CFHR3: variants seen among roughly 807,000 people sequenced by gnomAD.
The protein encoded by CFHR3 is complement factor H-related protein 3.
A neutral mutation model predicts 36.0 loss-of-function variants in CFHR3; 22 were observed. That is an observed-to-expected ratio of 0.61 (90% CI 0.44 to 0.87). The LOEUF (loss-of-function observed/expected upper bound fraction) is 0.87, where lower values mean the gene tolerates loss of function less well. CFHR3 is among the 40% of genes least tolerant of loss of function. The pLI, the probability that CFHR3 is intolerant of heterozygous loss-of-function variation, is 0.00. For missense variants in CFHR3, 276 were observed against 401.3 expected, an observed-to-expected ratio of 0.69 and a Z score of 2.67; for synonymous variants, 97 against 137.4, an observed-to-expected ratio of 0.71 and a Z score of 2.06.
chr1:196,779,480 C>T lies in CFHR3; in HGVS notation c.253+124C>T. ...AGGGCCAAGAAATGAGTTGTTCAAG[C>T]AAAATGACCAAAATAGATCTTTTCT... On this transcript the variant is annotated intron_variant, in intron 2 of 5. Transcript: ENST00000367425. 3.6e-6 allele frequency: 3 copies of T among 822,730 alleles called. 1 individual carries two copies. Among genetic ancestry groups the T allele is most frequent in the Non-Finnish European group, 5.7e-6 (3 of 526,154 alleles). 51.0% of individuals were successfully genotyped at this position (822,730 alleles called of 1,614,324 possible).
intron 1 of CFHR3, among the ~76,000 whole-genome samples, chr1:196,776,172 C>G (rs1421553627): frequency 3.1e-5 from 4 of 127,702 alleles, no homozygotes; most frequent in African/African-American, 1.3e-4. Flanking sequence ...ACTATATTTT[C>G]TTACTTACTT....
rs139197784 is a variant in CFHR3 at position 196,776,638 on chromosome 1, A to G, written c.58+1694A>G. ...AAAACAACCATTTACAAGGCAAAGG[A>G]GGAGGTCTCAGAAGCATCCAATCCT... On this transcript the variant is annotated intron_variant, in intron 1 of 5. Transcript: ENST00000367425. 5.1e-3 allele frequency among the ~76,000 whole-genome samples: 691 copies of G among 136,534 alleles called. 184 individuals carry two copies. Among genetic ancestry groups the G allele is most frequent in the African/African-American group, 0.02 (669 of 32,638 alleles). 89.6% of individuals were successfully genotyped at this position (136,534 alleles called of 152,430 possible). A position where few individuals can be genotyped will look rare whatever the true frequency, so the allele number is the denominator to read the frequency against.
At chr1:196,789,474 T>C (rs1399155862) in intron 4 of CFHR3, 3 of 978,222 alleles carry the variant, frequency 3.1e-6, no homozygotes, top group African/African-American at 2.2e-5. Flanking sequence ...AATGATCTAC[T>C]TTAAAACTTG....
At position 196,779,734 on chromosome 1, in the gene CFHR3, T is replaced by C. The variant is rs1653867787; in HGVS notation, c.254-63T>C. 9.8e-6 allele frequency: 14 copies of C among 1,430,008 alleles called. 1 individual carries two copies. The Admixed American group carries it at 1.0e-4, about 11-fold the overall frequency. The allele number at this position is 1,430,008 out of a possible 1,614,324, so 88.6% of individuals were successfully genotyped here. On this transcript the variant is annotated intron_variant, in intron 2 of 5. Transcript: ENST00000367425. Reference sequence around the variant, plus strand: ...AAATATGGTAACAATAATTTTAATATACTTTTTGTGCAAATTTATGTTTCT... The same window carrying C: ...AAATATGGTAACAATAATTTTAATACACTTTTTGTGCAAATTTATGTTTCT...
rs1419926448 is a variant in CFHR3, at chr1:196,789,131, A to G, written c.613+733A>G. 1.1e-5 allele frequency: 11 copies of G among 1,002,420 alleles called. 1 individual carries two copies. The African/African-American group carries it at 2.4e-4, about 22-fold the overall frequency. 62.1% of individuals were successfully genotyped at this position (1,002,420 alleles called of 1,614,324 possible). A position where few individuals can be genotyped will look rare whatever the true frequency, so the allele number is the denominator to read the frequency against. On this transcript the variant is annotated intron_variant, in intron 4 of 5. Coordinates refer to ENST00000367425, the MANE Select transcript of CFHR3 (RefSeq NM_021023.6). ...TCTTTATATATTCACAAAGAGTTTT[A>G]AAGATAAATTGCTGAATGTATTTTT... is the stretch of plus-strand genomic sequence containing the variant.
chr1:196,784,057 T>G (rs1385612978), intron 3 of CFHR3, among the ~76,000 whole-genome samples: 1 of 137,100 alleles, frequency 7.3e-6, no homozygotes, highest in African/African-American at 3.1e-5. Flanking sequence ...CATTTCTTTA[T>G]GTACCCAGTA....
At chr1:196,779,765 A>T in intron 2 of CFHR3, 32 bp from the exon 3 acceptor site, 1 of 1,475,850 alleles carries the variant, frequency 6.8e-7, no homozygotes, top group Non-Finnish European at 9.1e-7. Context: ...TTTCTCATTT[A>T]CTTTATTTAT....
chr1:196,787,247 T>C (rs1253135899), intron 3 of CFHR3, among the ~76,000 whole-genome samples: 1 of 137,116 alleles, frequency 7.3e-6, no homozygotes, highest in Admixed American at 7.0e-5. Context: ...ACTCTATCAT[T>C]AATCCACCTA....
intron 1 of CFHR3, among the ~76,000 whole-genome samples, chr1:196,775,801 A>G (rs924078593): frequency 1.5e-5 from 2 of 137,264 alleles, no homozygotes; most frequent in Non-Finnish European, 3.1e-5. Context: ...GTAATTATCC[A>G]AAACTTCATA....
At position 196,780,781 on chromosome 1, in the gene CFHR3, TG is replaced by T. The variant is rs1160413121; in HGVS notation, c.430+809del. Among the ~76,000 whole-genome samples, 5 of 135,038 alleles carry T rather than the reference TG, an allele frequency of 3.7e-5. 2 individuals carry two copies. The highest frequency in any genetic ancestry group is 5.2e-4 in the South Asian group (2 of 3,878). 88.6% of individuals were successfully genotyped at this position (135,038 alleles called of 152,430 possible). Reference sequence around the variant, plus strand: ...ATTGTCAATCTTTTTTCATGATGAATGTTTTTTGGTTCTTTTTTTATATTTT... The same window carrying T: ...ATTGTCAATCTTTTTTCATGATGAATTTTTTTGGTTCTTTTTTTATATTTT... On this transcript the variant is annotated intron_variant, in intron 3 of 5. Transcript: ENST00000367425.
chr1:196,789,715 AGT>A lies in CFHR3; in HGVS notation c.614-324_614-323del. 2 of 1,460,662 alleles carry A rather than the reference AGT, an allele frequency of 1.4e-6. 1 individual carries two copies. Among genetic ancestry groups the A allele is most frequent in the Non-Finnish European group, 1.8e-6 (2 of 1,094,584 alleles). 90.5% of individuals were successfully genotyped at this position (1,460,662 alleles called of 1,614,324 possible). ...GTTATGGAAACACCACAGGTTCCAT[AGT>A]GTGTGGTGAAGATGGGTAGTCCCAT... On this transcript the variant is annotated intron_variant, in intron 4 of 5. Coordinates refer to ENST00000367425, the MANE Select transcript of CFHR3 (RefSeq NM_021023.6).
Position 196,795,283 on chromosome 1 carries a change from A to G in CFHR3, c.*1770A>G, listed in dbSNP as rs1654545893. ...TTTATAAATGAAAGTTCCCCTGGAC[A>G]AGTTCTCTTGCCTGCCACCATGTAA... On this transcript the variant is annotated 3_prime_UTR_variant, in exon 6 of 6. Transcript: ENST00000367425. 1.5e-5 allele frequency: 2 copies of G among 136,646 alleles called. 1 individual carries two copies. The highest frequency in any genetic ancestry group is 6.1e-5 in the African/African-American group (2 of 32,614). The allele number at this position is 136,646 out of a possible 1,614,324, so 8.5% of individuals were successfully genotyped here.
In CFHR3 at chr1:196,777,987, A is replaced by T. The variant is rs1196433449; in HGVS notation, c.59-1175A>T. On this transcript the variant is annotated intron_variant, in intron 1 of 5. Transcript: ENST00000367425. ...TGGTGACAGAACAAGACTGTTAAAA[A>T]AAAAAAAAAAAAAAAGAAAAGAAAG... is the stretch of plus-strand genomic sequence containing the variant. Among the ~76,000 whole-genome samples the T allele has an allele frequency of 7.8e-4, 97 of 124,436 alleles. 9 individuals carry two copies. The highest frequency in any genetic ancestry group is 4.0e-3 in the Middle Eastern group (1 of 252). The allele number at this position is 124,436 out of a possible 152,430, so 81.6% of individuals were successfully genotyped here. A position where few individuals can be genotyped will look rare whatever the true frequency, so the allele number is the denominator to read the frequency against.
Position 196,793,450 on chromosome 1 carries a change from A to G in CFHR3, c.930A>G (p.Thr310=). The G allele has an allele frequency of 3.9e-6, 6 of 1,527,208 alleles. 1 individual carries two copies. The highest frequency in any genetic ancestry group is 4.4e-6 in the Non-Finnish European group (5 of 1,129,460). The allele number at this position is 1,527,208 out of a possible 1,614,324, so 94.6% of individuals were successfully genotyped here. ...GTAAATTGGGATATAATGCAAATAC[A>G]TCAATTCTATCATTTCAAGCAGTGT... ...FMCKLGYNAN[T]SILSFQAVCR... is the part of the protein sequence containing the mutation. Residue 310 remains threonine (T), a synonymous_variant, in exon 6 of 6, where the codon ACA becomes ACG. Coordinates refer to ENST00000367425, the MANE Select transcript of CFHR3 (RefSeq NM_021023.6).
intron 4 of CFHR3, chr1:196,789,542 A>T (rs1218587681): frequency 2.0e-6 from 2 of 977,450 alleles, no homozygotes; most frequent in Non-Finnish European, 2.6e-6. Flanking sequence ...AATTAATATA[A>T]TTTTTATCTA....
rs1275132556 is a variant in CFHR3, at chr1:196,779,309, A to T, written c.206A>T (p.Tyr69Phe). ...FETPSGSYWD[Y>F]IHCTQNGWSP... ...ACTCCTTCAGGAAGTTACTGGGATT[A>T]CATTCATTGCACACAAAATGGGTGG... The change falls in exon 2 of 6, where the codon TAC (tyrosine) becomes TTC (phenylalanine). Residue 69 changes from tyrosine (Y) to phenylalanine (F), a missense_variant. This residue lies in a region of CFHR3 where 178 missense variants were observed against 247.2 expected (regional missense o/e 0.72). Transcript: ENST00000367425. The T allele has an allele frequency of 1.3e-6, 2 of 1,529,464 alleles. 1 individual carries two copies. Among genetic ancestry groups the T allele is most frequent in the African/African-American group, 3.3e-5 (2 of 60,388 alleles). 94.7% of individuals were successfully genotyped at this position (1,529,464 alleles called of 1,614,324 possible).
intron 1 of CFHR3, among the ~76,000 whole-genome samples, chr1:196,777,579 G>A: frequency 7.3e-6 from 1 of 137,008 alleles, no homozygotes; most frequent in East Asian, 1.9e-4. Context: ...TACAGACCAA[G>A]TTCCAATAAT....
rs764017656 is a variant in CFHR3 at position 196,787,745 on chromosome 1, C to T, written c.431-471C>T. Among the ~76,000 whole-genome samples the T allele has an allele frequency of 1.0e-4, 14 of 136,964 alleles. 4 individuals are homozygous for T. Among genetic ancestry groups the T allele is most frequent in the Non-Finnish European group, 1.9e-4 (12 of 64,602 alleles). 89.9% of individuals were successfully genotyped at this position (136,964 alleles called of 152,430 possible). A position where few individuals can be genotyped will look rare whatever the true frequency, so the allele number is the denominator to read the frequency against. ...TTTAAGCACCCACTTAAGATGACAA[C>T]CATTTTAAATTCTTGGAGACAAAGG... On this transcript the variant is annotated intron_variant, in intron 3 of 5. Coordinates refer to ENST00000367425, the MANE Select transcript of CFHR3 (RefSeq NM_021023.6).
intron 1 of CFHR3, among the ~76,000 whole-genome samples, chr1:196,776,092 T>C (rs1653706667): frequency 8.2e-6 from 1 of 121,668 alleles, no homozygotes; most frequent in Non-Finnish European, 1.7e-5. Flanking sequence ...AAAGACTAAA[T>C]AGATTAAAGT....
Sources: gnomAD v4.1 joint callset for allele counts (sites outside exome capture counted in the v4.1 genomes callset) on GRCh38, gnomAD v4.1.1 for gene constraint, gnomAD v4.1.1 regional missense constraint, MANE v1.5 for transcripts, NCBI Gene and HGNC (gene_info 2026-07-23, HGNC 2026-07-21) for gene names.